SMYD3: variants seen among roughly 807,000 people sequenced by gnomAD.
The protein encoded by SMYD3 is histone-lysine N-methyltransferase SMYD3.
A neutral mutation model predicts 57.7 loss-of-function variants in SMYD3; 36 were observed. The observed-to-expected ratio is 0.62, with a 90% CI of 0.48 to 0.82. SMYD3 has a LOEUF of 0.82. Among genes scored for constraint, SMYD3 ranks in the 40% least tolerant of loss-of-function variants. The probability of loss-of-function intolerance (pLI) is 0.00; values close to 1 mark genes in which losing one functional copy is unlikely to be tolerated. For missense variants in SMYD3, 515 were observed against 538.8 expected, an observed-to-expected ratio of 0.96 and a Z score of 0.44; for synonymous variants, 211 against 195.0, an observed-to-expected ratio of 1.08 and a Z score of -0.68.
At chr1:246,374,394 T>C (rs2066237985) in intron 1 of SMYD3, among the ~76,000 whole-genome samples, 1 of 152,192 alleles carries the variant, frequency 6.6e-6, no homozygotes, top group Non-Finnish European at 1.5e-5. Context: ...CCAATATGTA[T>C]GTTCCCAGCT....
intron 5 of SMYD3, among the ~76,000 whole-genome samples, chr1:246,128,857 C>A (rs1458775154): frequency 6.6e-6 from 1 of 152,062 alleles, no homozygotes; most frequent in African/African-American, 2.4e-5. Flanking sequence ...GGCTGGAGTG[C>A]AGTGGTGCGA....
At chr1:246,015,563 C>T (rs868159461) in intron 5 of SMYD3, among the ~76,000 whole-genome samples, 2 of 152,180 alleles carry the variant, frequency 1.3e-5, no homozygotes, top group Non-Finnish European at 2.9e-5. Flanking sequence ...ATCTTCTAAA[C>T]CTGAAACTCT....
chr1:246,082,531 C>T (rs1038287601), intron 5 of SMYD3, among the ~76,000 whole-genome samples: 8 of 152,118 alleles, frequency 5.3e-5, no homozygotes, highest in Non-Finnish European at 8.8e-5. Flanking sequence ...CATTCCCTAG[C>T]CCCTTGCCCG....
At chr1:245,848,659 A>G (rs1275692715) in intron 10 of SMYD3, among the ~76,000 whole-genome samples, 1 of 151,954 alleles carries the variant, frequency 6.6e-6, no homozygotes, top group African/African-American at 2.4e-5. Flanking sequence ...TTATCTTCCC[A>G]CCTTAGCCTC....
chr1:245,927,669 C>T (rs75496972), intron 7 of SMYD3, among the ~76,000 whole-genome samples: 2,422 of 152,314 alleles, frequency 0.016, 62 homozygotes, highest in African/African-American at 0.055. Flanking sequence ...CATACACAAA[C>T]TCCTCTCTCT....
At chr1:245,922,773 C>A (rs560884262) in intron 7 of SMYD3, among the ~76,000 whole-genome samples, 1 of 152,108 alleles carries the variant, frequency 6.6e-6, no homozygotes, top group African/African-American at 2.4e-5. Context: ...TTATTACTAA[C>A]CCCCTCCACA....
At chr1:246,031,463 C>T (rs1244593538) in intron 5 of SMYD3, among the ~76,000 whole-genome samples, 3 of 152,192 alleles carry the variant, frequency 2.0e-5, no homozygotes, top group South Asian at 2.1e-4. Context: ...TGGGGCCAGG[C>T]GCAGTGGCTC....
intron 5 of SMYD3, among the ~76,000 whole-genome samples, chr1:246,287,751 A>G (rs967753177): frequency 6.6e-6 from 1 of 152,236 alleles, no homozygotes; most frequent in African/African-American, 2.4e-5. Context: ...AGGAATACAA[A>G]GAGAAAGACT....
chr1:246,352,136 CAAAAAAAAAA>C (rs10581690), intron 2 of SMYD3, among the ~76,000 whole-genome samples: 3 of 60,480 alleles, frequency 5.0e-5, no homozygotes, highest in East Asian at 7.0e-4. Flanking sequence ...GACTCTGTCT[CAAAAAAAAAA>C]AAAAAAAAAA....
intron 1 of SMYD3, among the ~76,000 whole-genome samples, chr1:246,364,038 C>A (rs1167367306): frequency 6.6e-6 from 1 of 152,094 alleles, no homozygotes; most frequent in Non-Finnish European, 1.5e-5. Flanking sequence ...TGGTCAGTTG[C>A]TGGCTTTGAA....
chr1:245,827,476 T>C (rs2049568148), intron 10 of SMYD3, among the ~76,000 whole-genome samples: 1 of 152,030 alleles, frequency 6.6e-6, no homozygotes, highest in South Asian at 2.1e-4. Context: ...CCAATCCACA[T>C]CCCATGGTTT....
chr1:246,282,289 A>C (rs2064460276), intron 5 of SMYD3, among the ~76,000 whole-genome samples: 1 of 128,652 alleles, frequency 7.8e-6, no homozygotes, highest in African/African-American at 2.9e-5. Context: ...GCAACATGGC[A>C]AGACCCTCAT....
Position 246,210,712 on chromosome 1 carries a change from A to AC in SMYD3, c.531+116488_531+116489insG, listed in dbSNP as rs2063072080. 1.1e-4 allele frequency among the ~76,000 whole-genome samples: 16 copies of AC among 151,670 alleles called. No homozygotes were observed. In the South Asian group the frequency reaches 1.7e-3, roughly 16 times the overall value. ...GCAACAAGGGCGAAACTAAAAAAAA[A>AC]AAAACAAAAACAAAAAAAACAGAAT... is the stretch of plus-strand genomic sequence containing the variant. On this transcript the variant is annotated intron_variant, in intron 5 of 11. Transcript: ENST00000490107.
chr1:246,157,086 C>A (rs867764329), intron 5 of SMYD3, among the ~76,000 whole-genome samples: 1 of 152,214 alleles, frequency 6.6e-6, no homozygotes, highest in African/African-American at 2.4e-5. Context: ...TTTTACTTAG[C>A]GCTTACATCA....
chr1:245,765,772 C>T (rs1048891298), intron 10 of SMYD3, among the ~76,000 whole-genome samples: 2 of 152,042 alleles, frequency 1.3e-5, no homozygotes, highest in African/African-American at 4.8e-5. Flanking sequence ...AGGTGCCTGC[C>T]CACAGACATC....
intron 1 of SMYD3, among the ~76,000 whole-genome samples, chr1:246,412,582 T>C (rs2066994270): frequency 6.6e-6 from 1 of 152,052 alleles, no homozygotes; most frequent in Non-Finnish European, 1.5e-5. Context: ...ATTTGCAGCA[T>C]TCTTAAATTG....
chr1:245,943,321 A>G (rs1328036941), intron 5 of SMYD3, among the ~76,000 whole-genome samples: 1 of 151,822 alleles, frequency 6.6e-6, no homozygotes, highest in Non-Finnish European at 1.5e-5. Flanking sequence ...CACTGATCCC[A>G]CAGATATACA....
At chr1:246,443,558 C>T (rs551250607) in intron 1 of SMYD3, among the ~76,000 whole-genome samples, 1 of 152,296 alleles carries the variant, frequency 6.6e-6, no homozygotes, top group South Asian at 2.1e-4. Context: ...ACTCCTTTCC[C>T]ATACAAATAG....
At chr1:245,877,680 A>AT (rs2052559882) in intron 8 of SMYD3, among the ~76,000 whole-genome samples, 1 of 152,212 alleles carries the variant, frequency 6.6e-6, no homozygotes, top group Non-Finnish European at 1.5e-5. Context: ...GACAACGGCC[A>AT]TGCATCTGGC....
Sources: gnomAD v4.1 joint callset for allele counts (sites outside exome capture counted in the v4.1 genomes callset) on GRCh38, gnomAD v4.1.1 for gene constraint, MANE v1.5 for transcripts, NCBI Gene and HGNC (gene_info 2026-07-23, HGNC 2026-07-21) for gene names.